Variants in NCK2 observed in about 807,000 individuals in gnomAD.
The protein encoded by NCK2 is cytoplasmic protein NCK2.
A neutral mutation model predicts 33.9 loss-of-function variants in NCK2; 16 were observed. The ratio of observed to expected loss-of-function variants is 0.47; its 90% CI spans 0.32 to 0.72. The LOEUF (loss-of-function observed/expected upper bound fraction) is 0.72, where lower values mean the gene tolerates loss of function less well. Among genes scored for constraint, NCK2 ranks in the 30% least tolerant of loss-of-function variants. NCK2 has a pLI of 0.03. For missense variants in NCK2, 418 were observed against 537.3 expected (o/e 0.78, Z 2.19); for synonymous variants, 273 against 239.9 (o/e 1.14, Z -1.27).
At chr2:105,874,791 T>C (rs1312274799) in intron 3 of NCK2, among the ~76,000 whole-genome samples, 1 of 152,262 alleles carries the variant, frequency 6.6e-6, no homozygotes, top group Non-Finnish European at 1.5e-5. Flanking sequence ...TAATAATGTA[T>C]GACATATTCA....
intron 2 of NCK2, among the ~76,000 whole-genome samples, chr2:105,831,277 A>C (rs1466481527): frequency 6.6e-6 from 1 of 152,248 alleles, no homozygotes; most frequent in Non-Finnish European, 1.5e-5. Context: ...TGGAAAAGAC[A>C]GTCCTAAGAT....
intron 1 of NCK2, among the ~76,000 whole-genome samples, chr2:105,807,558 T>G (rs1430407939): frequency 6.6e-6 from 1 of 152,036 alleles, no homozygotes; most frequent in Non-Finnish European, 1.5e-5. Flanking sequence ...GCCTCCTTCC[T>G]AGGGTGGTGT....
chr2:105,848,972 CAA>C (rs1676956543), intron 2 of NCK2, among the ~76,000 whole-genome samples: 1 of 152,150 alleles, frequency 6.6e-6, no homozygotes, highest in Non-Finnish European at 1.5e-5. Context: ...TGCACATAGA[CAA>C]ATATATTTTG....
chr2:105,807,517 T>A (rs1429631331), intron 1 of NCK2, among the ~76,000 whole-genome samples: 1 of 152,088 alleles, frequency 6.6e-6, no homozygotes, highest in East Asian at 1.9e-4. Flanking sequence ...GGCATTATGT[T>A]TCTCAATAGG....
At chr2:105,845,846 C>T (rs988785355) in intron 2 of NCK2, among the ~76,000 whole-genome samples, 1 of 152,140 alleles carries the variant, frequency 6.6e-6, no homozygotes, top group East Asian at 1.9e-4. Context: ...GAAAAGACCT[C>T]ACTTGTGTTT....
At chr2:105,818,006 A>G (rs1675561132) in intron 2 of NCK2, among the ~76,000 whole-genome samples, 1 of 152,086 alleles carries the variant, frequency 6.6e-6, no homozygotes, top group South Asian at 2.1e-4. Flanking sequence ...ACTACTCATA[A>G]TAGCAAAGAC....
At chr2:105,807,224 C>T (rs576707830) in intron 1 of NCK2, among the ~76,000 whole-genome samples, 45 of 152,302 alleles carry the variant, frequency 3.0e-4, no homozygotes, top group South Asian at 2.5e-3. Flanking sequence ...TGTCCTGTGA[C>T]GCACCTGCGT....
At chr2:105,821,927 C>G (rs556817246) in intron 2 of NCK2, among the ~76,000 whole-genome samples, 1 of 146,320 alleles carries the variant, frequency 6.8e-6, no homozygotes, top group Non-Finnish European at 1.5e-5. Context: ...TTCTGCTTCC[C>G]GGGCTGCTGT....
rs371518634 is a variant in NCK2 at position 105,835,393 on chromosome 2, A to ATATATATATATATATGTGTG, written c.-17+18792_-17+18793insTATGTGTGTATATATATATA. On this transcript the variant is annotated intron_variant, in intron 2 of 4. Transcript: ENST00000233154. ...TATATATACATATATATACACATAT[A>ATATATATATATATATGTGTG]TATATATATATACGTGTATATATAT... Among the ~76,000 whole-genome samples the ATATATATATATATATGTGTG allele has an allele frequency of 3.1e-4, 16 of 51,676 alleles. 2 individuals carry two copies. The highest frequency in any genetic ancestry group is 9.6e-4 in the African/African-American group (14 of 14,630). The allele number at this position is 51,676 out of a possible 152,430, so 33.9% of individuals were successfully genotyped here. A position where few individuals can be genotyped will look rare whatever the true frequency, so the allele number is the denominator to read the frequency against.
At chr2:105,851,558 G>A (rs1238659157) in intron 2 of NCK2, among the ~76,000 whole-genome samples, 1 of 152,240 alleles carries the variant, frequency 6.6e-6, no homozygotes, top group Non-Finnish European at 1.5e-5. Flanking sequence ...CACCCGGCCA[G>A]AGCTGAGCTT....
chr2:105,855,576 C>T (rs1287831131), intron 3 of NCK2: 1 of 279,398 alleles, frequency 3.6e-6, no homozygotes, highest in African/African-American at 2.2e-5. Context: ...AGGAGCCTGA[C>T]TTGGAATTCT....
At chr2:105,826,291 C>T (rs1273071466) in intron 2 of NCK2, among the ~76,000 whole-genome samples, 6 of 152,004 alleles carry the variant, frequency 3.9e-5, no homozygotes, top group African/African-American at 9.7e-5. Flanking sequence ...TGGGGGAAAC[C>T]GCCCCCATGA....
chr2:105,768,764 G>A (rs1412591944), intron 1 of NCK2, among the ~76,000 whole-genome samples: 1 of 152,128 alleles, frequency 6.6e-6, no homozygotes, highest in Non-Finnish European at 1.5e-5. Context: ...GTGGCCCAGG[G>A]AAGCCAAAAG....
chr2:105,757,895 CCTGAG>C (rs1408938078), intron 1 of NCK2, among the ~76,000 whole-genome samples: 1 of 152,192 alleles, frequency 6.6e-6, no homozygotes, highest in African/African-American at 2.4e-5. Context: ...GGAATTGTCA[CCTGAG>C]CTGAGACATT....
chr2:105,855,285 A>G lies in NCK2; in HGVS notation c.222A>G (p.Thr74=). ...KGSLVKNLKD[T]LGLGKTRRKT... ...CCCTCGTGAAGAACCTGAAGGACACACTAGGTGAGTGTTTCACCCTCGAGA... is the reference window on the plus strand; with the variant it reads ...CCCTCGTGAAGAACCTGAAGGACACGCTAGGTGAGTGTTTCACCCTCGAGA... Residue 74 remains threonine, a synonymous_variant, in exon 3 of 5, where the codon ACA becomes ACG. Transcript: ENST00000233154. 1 of 1,596,340 alleles carries G rather than the reference A, an allele frequency of 6.3e-7. No individual in the cohort carries two copies. The highest frequency in any genetic ancestry group is 8.6e-7 in the Non-Finnish European group (1 of 1,168,998).
chr2:105,816,831 C>T (rs1675507714), intron 2 of NCK2, among the ~76,000 whole-genome samples: 1 of 152,126 alleles, frequency 6.6e-6, no homozygotes, highest in Non-Finnish European at 1.5e-5. Context: ...GGATGGTAGA[C>T]ACCTACAACC....
At chr2:105,877,002 C>G (rs1157291833) in intron 3 of NCK2, among the ~76,000 whole-genome samples, 1 of 152,128 alleles carries the variant, frequency 6.6e-6, no homozygotes, top group Non-Finnish European at 1.5e-5. Flanking sequence ...TTGAGATGTC[C>G]CGGCTGCCAC....
intron 1 of NCK2, among the ~76,000 whole-genome samples, chr2:105,807,718 C>T (rs1336039973): frequency 2.4e-5 from 3 of 127,352 alleles, no homozygotes; most frequent in African/African-American, 8.8e-5. Flanking sequence ...TCCTTCCTTC[C>T]TTCCTTCCTT....
intron 2 of NCK2, among the ~76,000 whole-genome samples, chr2:105,851,408 AGC>A (rs1269195927): frequency 6.6e-6 from 1 of 151,938 alleles, no homozygotes; most frequent in Non-Finnish European, 1.5e-5. Flanking sequence ...GGACTACAGG[AGC>A]GTGCCACCAC....
Sources: allele counts gnomAD v4.1 joint callset (sites outside exome capture counted in the v4.1 genomes callset), GRCh38; gene constraint gnomAD v4.1.1; transcripts MANE v1.5; gene names NCBI Gene and HGNC (gene_info 2026-07-23, HGNC 2026-07-21).